Variants in GRM8 observed in about 807,000 individuals in gnomAD.
GRM8 encodes glutamate metabotropic receptor 8.
Under a neutral mutation model 87.2 loss-of-function variants are expected in GRM8, and 47 were observed. The observed-to-expected ratio is 0.54, with a 90% CI of 0.43 to 0.69. The LOEUF is 0.69. GRM8 is among the 30% of genes least tolerant of loss of function. The pLI is 0.00. For missense variants in GRM8, 1,019 were observed against 1,139.2 expected (o/e 0.89, Z 1.52); for synonymous variants, 396 against 404.5 (o/e 0.98, Z 0.25).
At chr7:126,498,595 G>T (rs2237733) in intron 9 of GRM8, among the ~76,000 whole-genome samples, 49,007 of 151,844 alleles carry the variant, frequency 0.32, 8,303 homozygotes, top group East Asian at 0.42. Flanking sequence ...CCAGAAAAGT[G>T]GGGGGACATG....
At chr7:126,563,351 C>CA (rs1182338506) in intron 8 of GRM8, among the ~76,000 whole-genome samples, 1 of 151,596 alleles carries the variant, frequency 6.6e-6, no homozygotes, top group Non-Finnish European at 1.5e-5. Context: ...GTCAACAGTG[C>CA]AAATACTAAG....
intron 8 of GRM8, among the ~76,000 whole-genome samples, chr7:126,541,539 T>C (rs1816541134): frequency 6.6e-6 from 1 of 151,944 alleles, no homozygotes; most frequent in South Asian, 2.1e-4. Context: ...AGATGATGAG[T>C]CACGTTTTAG....
intron 7 of GRM8, among the ~76,000 whole-genome samples, chr7:126,705,478 C>T (rs1810398033): frequency 6.6e-6 from 1 of 152,022 alleles, no homozygotes; most frequent in Non-Finnish European, 1.5e-5. Flanking sequence ...ATTTGTTTGT[C>T]TGAAATAATT....
At chr7:126,989,727 A>C (rs1186768599) in intron 3 of GRM8, among the ~76,000 whole-genome samples, 1 of 152,194 alleles carries the variant, frequency 6.6e-6, no homozygotes, top group Non-Finnish European at 1.5e-5. Context: ...AGATTGCTTG[A>C]ACCCAGATGT....
At chr7:126,947,888 C>T (rs1807716041) in intron 3 of GRM8, among the ~76,000 whole-genome samples, 1 of 152,080 alleles carries the variant, frequency 6.6e-6, no homozygotes, top group Admixed American at 6.5e-5. Context: ...TAAGGATGAG[C>T]CGTTAGAGGA....
At chr7:126,478,144 T>C (rs576244519) in intron 9 of GRM8, among the ~76,000 whole-genome samples, 199 of 152,252 alleles carry the variant, frequency 1.3e-3, no homozygotes, top group African/African-American at 4.6e-3. Context: ...CATTTACAAG[T>C]TCCAGAGGTT....
Position 126,757,669 on chromosome 7 carries a change from A to G in GRM8, c.1357+12196T>C, listed in dbSNP as rs112740730. ...AACTGAGTCAGCTGGGCAGTGCTAC[A>G]AGGACTTTTCTCTGATTGAGTTGCG... On this transcript the variant is annotated intron_variant, in intron 7 of 10. Coordinates refer to ENST00000339582, the MANE Select transcript of GRM8 (RefSeq NM_000845.3). Among the ~76,000 whole-genome samples, 47 of 152,262 alleles carry G rather than the reference A, an allele frequency of 3.1e-4. 1 individual carries two copies. The highest frequency in any genetic ancestry group is 3.4e-3 in the Middle Eastern group (1 of 294).
At chr7:126,800,524 T>A (rs1822546761) in intron 6 of GRM8, among the ~76,000 whole-genome samples, 1 of 152,156 alleles carries the variant, frequency 6.6e-6, no homozygotes, top group African/African-American at 2.4e-5. Flanking sequence ...TGGTCTCTCT[T>A]GCTACACGCT....
intron 7 of GRM8, among the ~76,000 whole-genome samples, chr7:126,615,715 G>A: frequency 6.6e-6 from 1 of 151,982 alleles, no homozygotes; most frequent in East Asian, 1.9e-4. Flanking sequence ...AAAAGGCGGG[G>A]GTTGCAATCC....
At chr7:127,046,551 A>C (rs1354897851) in intron 3 of GRM8, among the ~76,000 whole-genome samples, 2 of 151,674 alleles carry the variant, frequency 1.3e-5, no homozygotes, top group African/African-American at 4.9e-5. Flanking sequence ...TACCTAATAA[A>C]GTTACTGCTG....
chr7:126,656,320 T>C (rs1320888599), intron 7 of GRM8, among the ~76,000 whole-genome samples: 5 of 152,164 alleles, frequency 3.3e-5, no homozygotes, highest in African/African-American at 7.2e-5. Flanking sequence ...GGGCATCTTA[T>C]TGGCATTTGA....
At chr7:126,981,401 T>C (rs1050823801) in intron 3 of GRM8, 1 of 152,222 alleles carries the variant, frequency 6.6e-6, no homozygotes, top group African/African-American at 2.4e-5. Context: ...AATTTATTTC[T>C]TACAGTTTAA....
intron 9 of GRM8, among the ~76,000 whole-genome samples, chr7:126,471,297 T>C (rs1468391523): frequency 6.6e-6 from 1 of 152,172 alleles, no homozygotes; most frequent in Non-Finnish European, 1.5e-5. Context: ...ATGCCTAGGT[T>C]TTCTTCTAGG....
At chr7:127,236,625 T>G (rs1415148635) in intron 2 of GRM8, among the ~76,000 whole-genome samples, 4 of 152,136 alleles carry the variant, frequency 2.6e-5, no homozygotes, top group African/African-American at 9.7e-5. Context: ...TCCTTTGACC[T>G]TTGGGGATTA....
intron 3 of GRM8, among the ~76,000 whole-genome samples, chr7:127,023,308 A>G (rs1465117443): frequency 6.6e-6 from 1 of 152,102 alleles, no homozygotes; most frequent in East Asian, 1.9e-4. Flanking sequence ...AACAACCCTC[A>G]GAACAAAATT....
At chr7:127,233,083 G>T (rs1797786713) in intron 2 of GRM8, among the ~76,000 whole-genome samples, 1 of 152,114 alleles carries the variant, frequency 6.6e-6, no homozygotes, top group African/African-American at 2.4e-5. Context: ...ACCTGCCTCG[G>T]CCTCCCAAAG....
chr7:126,567,088 G>T (rs922806172), intron 8 of GRM8, among the ~76,000 whole-genome samples: 4 of 152,072 alleles, frequency 2.6e-5, no homozygotes. Context: ...GGGAATGGGG[G>T]CAGGAATAAA....
intron 6 of GRM8, among the ~76,000 whole-genome samples, chr7:126,879,760 T>C (rs1387875942): frequency 6.6e-6 from 1 of 152,202 alleles, no homozygotes; most frequent in Non-Finnish European, 1.5e-5. Context: ...TGGTTTTATA[T>C]TTTGTGGCTA....
chr7:126,849,646 C>T (rs894946417), intron 6 of GRM8, among the ~76,000 whole-genome samples: 6 of 152,152 alleles, frequency 3.9e-5, no homozygotes, highest in Non-Finnish European at 8.8e-5. Context: ...AACCTTGAAC[C>T]TCAAATATTT....
Sources: allele counts gnomAD v4.1 joint callset (sites outside exome capture counted in the v4.1 genomes callset), GRCh38; gene constraint gnomAD v4.1.1; transcripts MANE v1.5; gene names NCBI Gene and HGNC (gene_info 2026-07-23, HGNC 2026-07-21).